Variants in CCDC192 observed in about 807,000 individuals in gnomAD.
CCDC192 encodes the protein coiled-coil domain containing 192, also known as coiled-coil domain-containing protein 192.
chr5:127,819,434 C>A (rs541839112), intron 5 of CCDC192, among the ~76,000 whole-genome samples: 69 of 152,062 alleles, frequency 4.5e-4, no homozygotes, highest in African/African-American at 1.6e-3. Context: ...CATGTTATTT[C>A]CACAGGAATA....
intron 3 of CCDC192, among the ~76,000 whole-genome samples, chr5:127,774,402 T>C (rs544317110): frequency 6.6e-6 from 1 of 152,340 alleles, no homozygotes; most frequent in South Asian, 2.1e-4. Context: ...ATTTAGGTCG[T>C]TGATCTAGTT....
chr5:127,906,323 A>AC (rs756317983), intron 6 of CCDC192, among the ~76,000 whole-genome samples: 1 of 152,254 alleles, frequency 6.6e-6, no homozygotes, highest in Non-Finnish European at 1.5e-5. Flanking sequence ...ATGTTAAGGT[A>AC]CATCCATGTT....
chr5:127,783,159 C>T (rs1190155790), intron 3 of CCDC192, among the ~76,000 whole-genome samples: 1 of 151,990 alleles, frequency 6.6e-6, no homozygotes, highest in Non-Finnish European at 1.5e-5. Context: ...CCATGACCTG[C>T]TAATTTTTGT....
At chr5:127,890,433 G>A (rs998352944) in intron 6 of CCDC192, among the ~76,000 whole-genome samples, 11 of 148,512 alleles carry the variant, frequency 7.4e-5, no homozygotes, top group Admixed American at 6.8e-4. Context: ...CAACAGAATG[G>A]CAGTGAGAGA....
intron 5 of CCDC192, chr5:127,857,618 C>CAAG: frequency 6.6e-6 from 1 of 152,212 alleles, no homozygotes; most frequent in East Asian, 1.9e-4. Context: ...GCTCACATGA[C>CAAG]TGTAGGGGCT....
chr5:127,754,204 T>C, intron 2 of CCDC192, 64 bp from the exon 3 acceptor site: 4 of 397,346 alleles, frequency 1.0e-5, no homozygotes, highest in Non-Finnish European at 1.8e-5. Flanking sequence ...GTCCATAAGA[T>C]TGTTTGAGAT....
At chr5:127,849,796 T>A (rs977888770) in intron 5 of CCDC192, among the ~76,000 whole-genome samples, 12 of 152,202 alleles carry the variant, frequency 7.9e-5, no homozygotes, top group Non-Finnish European at 1.8e-4. Context: ...AATCAAGACT[T>A]ACAGCTCAGG....
intron 6 of CCDC192, among the ~76,000 whole-genome samples, chr5:127,919,057 ATG>A (rs1004258407): frequency 5.1e-5 from 7 of 138,116 alleles, no homozygotes; most frequent in South Asian, 2.4e-4. Flanking sequence ...CTGTGTGTGT[ATG>A]TGTGTGTGTA....
At chr5:127,771,855 A>G (rs903328541) in intron 3 of CCDC192, among the ~76,000 whole-genome samples, 2 of 152,090 alleles carry the variant, frequency 1.3e-5, no homozygotes, top group Non-Finnish European at 2.9e-5. Context: ...GCAGGGTTTT[A>G]TTGATTGAAA....
intron 6 of CCDC192, among the ~76,000 whole-genome samples, chr5:127,875,928 C>T (rs903501813): frequency 6.6e-6 from 1 of 151,918 alleles, no homozygotes; most frequent in Non-Finnish European, 1.5e-5. Flanking sequence ...AGTGTCACTG[C>T]ACAAGCTGGG....
intron 2 of CCDC192, among the ~76,000 whole-genome samples, chr5:127,727,626 G>A (rs1199607146): frequency 6.6e-6 from 1 of 152,148 alleles, no homozygotes; most frequent in Non-Finnish European, 1.5e-5. Context: ...AAGCCAGAGT[G>A]CCTCTTCTGC....
chr5:127,783,361 T>C (rs916814759), intron 3 of CCDC192, among the ~76,000 whole-genome samples: 8 of 152,230 alleles, frequency 5.3e-5, no homozygotes, highest in Non-Finnish European at 1.2e-4. Flanking sequence ...AATTTGCATC[T>C]TGATTTCATT....
At position 127,777,337 on chromosome 5, in the gene CCDC192, C is replaced by T. The variant is rs147680281; in HGVS notation, c.223-19766C>T. Among the ~76,000 whole-genome samples, 1,490 of 152,284 alleles carry T rather than the reference C, an allele frequency of 9.8e-3. 13 individuals carry two copies. Among genetic ancestry groups the T allele is most frequent in the South Asian group, 0.031 (150 of 4,820 alleles). ...GATCTGCCTGGGACTTTTAGCCCTT[C>T]TGGTTGGGCCAATTTCTCCCATTTG... is the stretch of plus-strand genomic sequence containing the variant. On this transcript the variant is annotated intron_variant, in intron 3 of 6. Coordinates refer to ENST00000514853, the MANE Select transcript of CCDC192 (RefSeq NM_001317938.2).
intron 6 of CCDC192, among the ~76,000 whole-genome samples, chr5:127,896,269 G>A (rs184371437): frequency 1.3e-3 from 204 of 151,984 alleles, no homozygotes; most frequent in African/African-American, 4.6e-3. Context: ...TGAGACCCCC[G>A]TCCCTACAAA....
intron 3 of CCDC192, chr5:127,786,160 T>G (rs1756525193): frequency 9.2e-7 from 1 of 1,081,714 alleles, no homozygotes; most frequent in Non-Finnish European, 1.4e-6. Context: ...CAAGTGTTTT[T>G]CAATGAGGAC....
At chr5:127,894,105 G>A (rs1338483042) in intron 6 of CCDC192, among the ~76,000 whole-genome samples, 1 of 151,896 alleles carries the variant, frequency 6.6e-6, no homozygotes, top group Admixed American at 6.6e-5. Context: ...TATATGACAT[G>A]GAAATACAGG....
At chr5:127,822,030 C>T (rs1433806456) in intron 5 of CCDC192, among the ~76,000 whole-genome samples, 1 of 152,226 alleles carries the variant, frequency 6.6e-6, no homozygotes, top group Admixed American at 6.5e-5. Context: ...GCATTTTCCT[C>T]CGCTACTTTT....
chr5:127,816,258 C>A (rs1363180480), intron 5 of CCDC192, among the ~76,000 whole-genome samples: 1 of 152,024 alleles, frequency 6.6e-6, no homozygotes, highest in Non-Finnish European at 1.5e-5. Context: ...ATCAGTAAAG[C>A]TTTTTAGAGG....
chr5:127,778,497 C>T (rs532680186), intron 3 of CCDC192, among the ~76,000 whole-genome samples: 1 of 152,232 alleles, frequency 6.6e-6, no homozygotes, highest in East Asian at 1.9e-4. Context: ...TTTTACTGTG[C>T]TGTTGGATCC....
Sources: allele counts gnomAD v4.1 joint callset (sites outside exome capture counted in the v4.1 genomes callset), GRCh38; gene constraint gnomAD v4.1.1; transcripts MANE v1.5; gene names NCBI Gene and HGNC (gene_info 2026-07-23, HGNC 2026-07-21).